Variants in TENM3 observed in about 807,000 individuals in gnomAD.
TENM3 encodes the protein teneurin-3.
TENM3 carries 63 observed loss-of-function variants against 255.1 expected under a neutral mutation model. The ratio of observed to expected loss-of-function variants is 0.25; its 90% CI spans 0.20 to 0.30. TENM3 has a LOEUF of 0.30. TENM3 is among the 10% of genes least tolerant of loss of function. The probability of loss-of-function intolerance (pLI) is 1.00; values close to 1 mark genes in which losing one functional copy is unlikely to be tolerated. For synonymous variants in TENM3, 1,306 were observed against 1,322.3 expected (o/e 0.99, Z 0.27); for missense variants, 2,929 against 3,461.1 (o/e 0.85, Z 3.86).
the TENM3 span, among the ~76,000 whole-genome samples, chr4:181,753,340 A>G: frequency 1.2e-4 from 18 of 152,200 alleles, no homozygotes; most frequent in East Asian, 3.5e-3. Flanking sequence ...AGCAGAGGCA[A>G]CCTATGCCAT....
intron 3 of TENM3, among the ~76,000 whole-genome samples, chr4:182,484,951 G>A (rs1734556133): frequency 6.6e-6 from 1 of 152,056 alleles, no homozygotes; most frequent in Non-Finnish European, 1.5e-5. Flanking sequence ...AGCCATGTTA[G>A]ACATTTTATG....
intron 5 of TENM3, among the ~76,000 whole-genome samples, chr4:182,635,852 C>G (rs1751799458): frequency 6.6e-6 from 1 of 152,136 alleles, no homozygotes; most frequent in African/African-American, 2.4e-5. Flanking sequence ...AACACTTTTA[C>G]CTCTCTGTGT....
chr4:181,888,522 A>ATATATATATATATATATATATGTG, the TENM3 span, among the ~76,000 whole-genome samples: 2 of 92,638 alleles, frequency 2.2e-5, no homozygotes, highest in African/African-American at 1.1e-4. Context: ...ATATGTATAT[A>ATATATATATATATATATATATGTG]TATACATATA....
At chr4:182,500,807 C>T (rs919248470) in intron 3 of TENM3, among the ~76,000 whole-genome samples, 1 of 152,022 alleles carries the variant, frequency 6.6e-6, no homozygotes, top group Non-Finnish European at 1.5e-5. Context: ...CACGGTTTCA[C>T]ATGATAATCC....
intron 11 of TENM3, among the ~76,000 whole-genome samples, chr4:182,686,484 G>A (rs941818421): frequency 1.3e-5 from 2 of 152,142 alleles, no homozygotes; most frequent in East Asian, 3.9e-4. Context: ...ACACTTTACT[G>A]CCTACCTCTT....
At chr4:181,923,954 T>C in the TENM3 span, among the ~76,000 whole-genome samples, 1 of 152,190 alleles carries the variant, frequency 6.6e-6, no homozygotes, top group Non-Finnish European at 1.5e-5. Flanking sequence ...TATATGAGTA[T>C]ACTAATTTAT....
the TENM3 span, among the ~76,000 whole-genome samples, chr4:181,888,526 A>ATATATG: frequency 2.3e-5 from 2 of 87,724 alleles, no homozygotes; most frequent in South Asian, 6.2e-4. Context: ...GTATATATAT[A>ATATATG]CATATATGTG....
At chr4:181,874,895 C>T in the TENM3 span, among the ~76,000 whole-genome samples, 24,638 of 152,216 alleles carry the variant, frequency 0.16, 2,552 homozygotes, top group East Asian at 0.55. Flanking sequence ...AGAGTTCCCT[C>T]TATGTGCTTC....
At chr4:181,448,463 G>T in the TENM3 span, among the ~76,000 whole-genome samples, 1 of 151,966 alleles carries the variant, frequency 6.6e-6, no homozygotes, top group South Asian at 2.1e-4. Context: ...GAGCCACCGC[G>T]CCCGGCCGAA....
chr4:182,341,478 A>G (rs76741614), intron 2 of TENM3, among the ~76,000 whole-genome samples: 13,361 of 152,144 alleles, frequency 0.088, 744 homozygotes, highest in Admixed American at 0.18. Context: ...TTCTTTTTCT[A>G]CTTAAAATAT....
chr4:181,880,362 C>A, the TENM3 span, among the ~76,000 whole-genome samples: 1 of 151,800 alleles, frequency 6.6e-6, no homozygotes, highest in African/African-American at 2.4e-5. Context: ...ATGTAAATAT[C>A]AATAACACAT....
the TENM3 span, among the ~76,000 whole-genome samples, chr4:181,500,123 G>T: frequency 6.6e-6 from 1 of 151,980 alleles, no homozygotes; most frequent in Non-Finnish European, 1.5e-5. Flanking sequence ...ACGCCTCTTA[G>T]GTTCAAGCGA....
chr4:182,167,205 A>G (rs1751777169), intron 1 of TENM3, among the ~76,000 whole-genome samples: 1 of 152,216 alleles, frequency 6.6e-6, no homozygotes, highest in Non-Finnish European at 1.5e-5. Flanking sequence ...CACTTACAAA[A>G]ATAAAATCAG....
chr4:181,654,510 T>C, the TENM3 span, among the ~76,000 whole-genome samples: 1 of 152,082 alleles, frequency 6.6e-6, no homozygotes, highest in Non-Finnish European at 1.5e-5. Context: ...TCCCAGCACT[T>C]TGGGAGGCCG....
At chr4:181,541,602 G>C in the TENM3 span, among the ~76,000 whole-genome samples, 20 of 152,122 alleles carry the variant, frequency 1.3e-4, no homozygotes, top group African/African-American at 4.8e-4. Context: ...CAGAGAAGTT[G>C]CTACAGCACA....
the TENM3 span, among the ~76,000 whole-genome samples, chr4:182,021,565 C>G: frequency 5.9e-5 from 9 of 152,216 alleles, no homozygotes; most frequent in African/African-American, 2.2e-4. Flanking sequence ...CATTCTTTAC[C>G]ATTAAAGAAT....
the TENM3 span, among the ~76,000 whole-genome samples, chr4:181,699,217 G>A: frequency 6.6e-6 from 1 of 151,718 alleles, no homozygotes; most frequent in East Asian, 1.9e-4. Context: ...GATTGCTTGA[G>A]GCCAGGGGTT....
At chr4:181,495,777 G>A in the TENM3 span, among the ~76,000 whole-genome samples, 27 of 151,912 alleles carry the variant, frequency 1.8e-4, no homozygotes, top group Non-Finnish European at 3.7e-4. Context: ...AAAATATGGG[G>A]ATGCATGAGA....
chr4:182,599,575 C>G (rs977592056), intron 3 of TENM3, among the ~76,000 whole-genome samples: 6 of 152,012 alleles, frequency 3.9e-5, no homozygotes, highest in African/African-American at 1.4e-4. Flanking sequence ...ATGTTATATG[C>G]TATGAGAGGA....
Sources: allele counts gnomAD v4.1 joint callset (sites outside exome capture counted in the v4.1 genomes callset), GRCh38; gene constraint gnomAD v4.1.1; transcripts MANE v1.5; gene names NCBI Gene and HGNC (gene_info 2026-07-23, HGNC 2026-07-21).